PATJ: variants seen among roughly 807,000 people sequenced by gnomAD.
The protein encoded by PATJ is inaD-like protein.
In PATJ, 190 loss-of-function variants were observed where a neutral mutation model predicts 224.9. The observed-to-expected ratio is 0.84, with a 90% CI of 0.75 to 0.95. The LOEUF is 0.95. PATJ is among the 40% of genes least tolerant of loss of function. PATJ has a pLI of 0.00. For synonymous variants in PATJ, 769 were observed against 820.3 expected (o/e 0.94, Z 1.07); for missense variants, 2,121 against 2,270.3 (o/e 0.93, Z 1.34).
chr1:61,899,535 T>C, intron 22 of PATJ, 48 bp from the exon 23 acceptor site: 2 of 1,286,482 alleles, frequency 1.6e-6, no homozygotes, highest in African/African-American at 1.5e-5. Context: ...CCTTTAATAA[T>C]GAGTATGCCC....
intron 21 of PATJ, among the ~76,000 whole-genome samples, chr1:61,876,264 AAGAC>A (rs976650751): frequency 1.3e-5 from 2 of 152,296 alleles, no homozygotes; most frequent in Non-Finnish European, 1.5e-5. Context: ...TGGAAAAAAA[AAGAC>A]AGAGTATGAA....
chr1:62,160,713 T>C (rs1390331169), intron 43 of PATJ, among the ~76,000 whole-genome samples, 195 bp from the exon 44 acceptor site: 1 of 152,232 alleles, frequency 6.6e-6, no homozygotes, highest in African/African-American at 2.4e-5. Context: ...TTATAGTTAC[T>C]ATTCAACCAT....
At chr1:62,121,145 G>A (rs779923748) in intron 37 of PATJ, 36 bp from the exon 38 acceptor site, 11 of 1,357,422 alleles carry the variant, frequency 8.1e-6, no homozygotes, top group Middle Eastern at 1.8e-4. Flanking sequence ...TCAAGTCAGT[G>A]TCTGCACACA....
chr1:61,828,401 G>A (rs1326839172), intron 16 of PATJ, among the ~76,000 whole-genome samples: 3 of 141,054 alleles, frequency 2.1e-5, no homozygotes, highest in Non-Finnish European at 4.6e-5. Context: ...TATGAAAAGA[G>A]TTTTTTTTTT....
At chr1:61,980,130 T>C (rs1375983662) in intron 27 of PATJ, among the ~76,000 whole-genome samples, 1 of 151,792 alleles carries the variant, frequency 6.6e-6, no homozygotes, top group Non-Finnish European at 1.5e-5. Flanking sequence ...TCAAAAGTCA[T>C]TGAAAACAGC....
At chr1:61,827,720 A>C in intron 16 of PATJ, 137 bp downstream of exon 16, 1 of 641,294 alleles carries the variant, frequency 1.6e-6, no homozygotes, top group Non-Finnish European at 2.4e-6. Flanking sequence ...AACAATGCAT[A>C]GCTTTTCAAA....
chr1:61,971,787 AG>A (rs1683010655), intron 27 of PATJ, among the ~76,000 whole-genome samples: 1 of 151,814 alleles, frequency 6.6e-6, no homozygotes, highest in South Asian at 2.1e-4. Flanking sequence ...TGATCCCAGG[AG>A]TTTGAGACCA....
chr1:61,846,761 TA>T (rs1662031763), intron 17 of PATJ, among the ~76,000 whole-genome samples: 1 of 152,124 alleles, frequency 6.6e-6, no homozygotes, highest in Non-Finnish European at 1.5e-5. Flanking sequence ...CAAGCCTGGC[TA>T]ACGTTTTTGT....
At chr1:61,809,932 G>A (rs1227033241) in intron 14 of PATJ, among the ~76,000 whole-genome samples, 2 of 148,706 alleles carry the variant, frequency 1.3e-5, no homozygotes, top group Non-Finnish European at 3.0e-5. Flanking sequence ...TGCAACCTTC[G>A]CCTCCTGGGT....
At chr1:61,874,574 A>G (rs906885175) in intron 20 of PATJ, among the ~76,000 whole-genome samples, 3 of 152,210 alleles carry the variant, frequency 2.0e-5, no homozygotes, top group African/African-American at 7.2e-5. Context: ...ACCCCACAAA[A>G]GTCCCCACTT....
chr1:62,129,230 C>A (rs1666033936), intron 41 of PATJ, among the ~76,000 whole-genome samples: 1 of 152,132 alleles, frequency 6.6e-6, no homozygotes, highest in African/African-American at 2.4e-5. Context: ...TTTTGTAAAT[C>A]AGAATTTGTA....
intron 17 of PATJ, among the ~76,000 whole-genome samples, chr1:61,844,744 G>A (rs541845743): frequency 6.0e-4 from 91 of 152,050 alleles, no homozygotes; most frequent in Non-Finnish European, 1.2e-3. Flanking sequence ...GGAGGTAATT[G>A]GATCATGGGG....
chr1:62,105,582 G>GTTAGCTA (rs1662810691), intron 33 of PATJ, among the ~76,000 whole-genome samples: 1 of 152,094 alleles, frequency 6.6e-6, no homozygotes, highest in Non-Finnish European at 1.5e-5. Context: ...AAACAGTTCA[G>GTTAGCTA]AGAAACAAAC....
intron 7 of PATJ, among the ~76,000 whole-genome samples, chr1:61,779,489 G>C (rs1226752449): frequency 6.6e-6 from 1 of 152,158 alleles, no homozygotes; most frequent in Non-Finnish European, 1.5e-5. Context: ...AAAGTCAACT[G>C]TTTGTATATG....
intron 27 of PATJ, among the ~76,000 whole-genome samples, chr1:61,967,487 TAC>T (rs1282521263): frequency 1.3e-5 from 2 of 152,240 alleles, no homozygotes; most frequent in Non-Finnish European, 2.9e-5. Context: ...GAGTGCTAAG[TAC>T]AGTTTCATCT....
At chr1:62,013,898 C>CA (rs1179338104) in intron 28 of PATJ, among the ~76,000 whole-genome samples, 2 of 152,042 alleles carry the variant, frequency 1.3e-5, no homozygotes, top group African/African-American at 4.8e-5. Context: ...CTCAGCTTCC[C>CA]AAGTAGCTGG....
chr1:61,929,096 T>A, intron 27 of PATJ, among the ~76,000 whole-genome samples: 1 of 152,128 alleles, frequency 6.6e-6, no homozygotes, highest in Non-Finnish European at 1.5e-5. Context: ...AGCTTCTTTT[T>A]GGAGAGCTAC....
chr1:61,866,131 A>G (rs1419319710), intron 20 of PATJ, among the ~76,000 whole-genome samples: 1 of 152,236 alleles, frequency 6.6e-6, no homozygotes, highest in Non-Finnish European at 1.5e-5. Context: ...AGTCCCTCTC[A>G]TATCTGTCAG....
At chr1:61,938,394 AGAAAC>A (rs1677221308) in intron 27 of PATJ, among the ~76,000 whole-genome samples, 2 of 152,156 alleles carry the variant, frequency 1.3e-5, no homozygotes, top group African/African-American at 4.8e-5. Flanking sequence ...AAAAAAAACA[AGAAAC>A]AAAACAAAAC....
Sources: allele counts gnomAD v4.1 joint callset (sites outside exome capture counted in the v4.1 genomes callset), GRCh38; gene constraint gnomAD v4.1.1; transcripts MANE v1.5; gene names NCBI Gene and HGNC (gene_info 2026-07-23, HGNC 2026-07-21).